The following OR2L13 variants were observed in gnomAD, a reference collection of about 807,000 sequenced individuals.
OR2L13 encodes olfactory receptor family 2 subfamily L member 13.
Under a neutral mutation model 15.3 loss-of-function variants are expected in OR2L13, and 14 were observed. The ratio of observed to expected loss-of-function variants is 0.91; its 90% CI spans 0.60 to 1.43. OR2L13 has a LOEUF of 1.43. Among genes scored for constraint, OR2L13 ranks in the 40% most tolerant of loss-of-function variants. OR2L13 has a pLI of 0.00. For synonymous variants in OR2L13, 152 were observed against 142.9 expected (o/e 1.06, Z -0.45); for missense variants, 367 against 387.9 (o/e 0.95, Z 0.45).
chr1:247,950,546 A>G, the OR2L13 span, among the ~76,000 whole-genome samples: 1 of 152,194 alleles, frequency 6.6e-6, no homozygotes, highest in Non-Finnish European at 1.5e-5. Flanking sequence ...TTTTCTGCAT[A>G]TGGATATCCA....
the OR2L13 span, among the ~76,000 whole-genome samples, chr1:248,036,815 G>A: frequency 6.6e-6 from 1 of 152,100 alleles, no homozygotes. Flanking sequence ...AAGATGTAAA[G>A]TGATTTATTG....
At chr1:248,031,891 T>G in the OR2L13 span, among the ~76,000 whole-genome samples, 1 of 152,180 alleles carries the variant, frequency 6.6e-6, no homozygotes, top group Non-Finnish European at 1.5e-5. Flanking sequence ...TGATGTGTCA[T>G]TTAATATTCT....
the OR2L13 span, among the ~76,000 whole-genome samples, chr1:248,027,355 C>T: frequency 6.6e-6 from 1 of 152,174 alleles, no homozygotes; most frequent in African/African-American, 2.4e-5. Context: ...TTTAATTTCG[C>T]CCCAGTCCTG....
the OR2L13 span, chr1:248,061,674 T>C: frequency 7.0e-7 from 1 of 1,421,194 alleles, no homozygotes; most frequent in South Asian, 1.4e-5. Context: ...TCCAGCAGTG[T>C]ATAGTAATTA....
the OR2L13 span, among the ~76,000 whole-genome samples, chr1:248,037,204 C>A: frequency 6.6e-6 from 1 of 152,038 alleles, no homozygotes; most frequent in African/African-American, 2.4e-5. Flanking sequence ...GTAGAAGAAC[C>A]AAATAATGAT....
exon 3 of OR2L13, chr1:248,100,376 C>A: frequency 1.1e-6 from 1 of 886,786 alleles, no homozygotes; most frequent in Non-Finnish European, 1.7e-6. Context: ...CACGCTAGAG[C>A]AGGGTTGTCC....
At chr1:248,023,021 C>T in the OR2L13 span, 4 of 834,552 alleles carry the variant, frequency 4.8e-6, no homozygotes, top group Non-Finnish European at 7.3e-6. Context: ...TTAATTTAGT[C>T]TTGACATTAT....
chr1:248,038,336 C>T, the OR2L13 span: 3 of 1,613,282 alleles, frequency 1.9e-6, no homozygotes, highest in African/African-American at 1.3e-5. Context: ...CAAGAATTGG[C>T]CTTTTCGTAT....
the OR2L13 span, among the ~76,000 whole-genome samples, chr1:248,014,654 A>G: frequency 6.6e-6 from 1 of 152,124 alleles, no homozygotes; most frequent in Admixed American, 6.6e-5. Context: ...TGTAAGTGAT[A>G]GTGATTATGT....
At chr1:247,951,409 A>G in the OR2L13 span, among the ~76,000 whole-genome samples, 1 of 152,162 alleles carries the variant, frequency 6.6e-6, no homozygotes, top group East Asian at 1.9e-4. Flanking sequence ...CAAGCATTGG[A>G]TGTCTTTCGA....
the OR2L13 span, chr1:247,990,659 A>C: frequency 1.3e-6 from 2 of 1,525,946 alleles, no homozygotes; most frequent in Non-Finnish European, 1.8e-6. Flanking sequence ...CCTCTCCACT[A>C]TCCCATCCGT....
chr1:247,949,861 A>C, the OR2L13 span: 20 of 1,303,390 alleles, frequency 1.5e-5, no homozygotes, highest in Middle Eastern at 3.6e-3. Flanking sequence ...ATAGTAATTA[A>C]AATATTATGT....
the OR2L13 span, chr1:248,003,947 C>T: frequency 6.2e-7 from 1 of 1,613,510 alleles, no homozygotes; most frequent in Non-Finnish European, 8.5e-7. Context: ...GGACAAGGTT[C>T]TGGCTGTCTT....
chr1:248,031,028 C>T, the OR2L13 span, among the ~76,000 whole-genome samples: 3 of 152,022 alleles, frequency 2.0e-5, no homozygotes, highest in Non-Finnish European at 4.4e-5. Context: ...AAAATGAAAG[C>T]AAGTAGAAAT....
At chr1:248,041,218 A>C in the OR2L13 span, 1 of 152,174 alleles carries the variant, frequency 6.6e-6, no homozygotes, top group East Asian at 1.9e-4. Context: ...ATCTACAACT[A>C]TCTGATCTTT....
chr1:248,053,497 A>G, the OR2L13 span, among the ~76,000 whole-genome samples: 1 of 152,180 alleles, frequency 6.6e-6, no homozygotes, highest in African/African-American at 2.4e-5. Flanking sequence ...ATCAAATGGT[A>G]TTTCCAGTTC....
the OR2L13 span, among the ~76,000 whole-genome samples, chr1:248,072,734 A>C: frequency 6.6e-6 from 1 of 152,174 alleles, no homozygotes; most frequent in Non-Finnish European, 1.5e-5. Flanking sequence ...CACATCTGAC[A>C]AAGGGCTAAT....
the OR2L13 span, chr1:248,003,774 G>C: frequency 6.2e-7 from 1 of 1,613,890 alleles, no homozygotes; most frequent in Admixed American, 1.7e-5. Flanking sequence ...GCTATTTCAT[G>C]TTCCTATGGC....
the OR2L13 span, among the ~76,000 whole-genome samples, chr1:248,070,095 G>C: frequency 6.6e-6 from 1 of 152,100 alleles, no homozygotes; most frequent in African/African-American, 2.4e-5. Context: ...GGATACCCAG[G>C]AATCGAACTC....
Sources: gnomAD v4.1 joint callset for allele counts (sites outside exome capture counted in the v4.1 genomes callset) on GRCh38, gnomAD v4.1.1 for gene constraint, MANE v1.5 for transcripts, NCBI Gene and HGNC (gene_info 2026-07-23, HGNC 2026-07-21) for gene names.